Variants in CREB3L2 observed in about 807,000 individuals in gnomAD.
CREB3L2 encodes cAMP responsive element binding protein 3 like 2, also known as cyclic AMP-responsive element-binding protein 3-like protein 2.
Under a neutral mutation model 57.2 loss-of-function variants are expected in CREB3L2, and 23 were observed. The ratio of observed to expected loss-of-function variants is 0.40; its 90% confidence interval spans 0.29 to 0.57. CREB3L2 has a LOEUF of 0.57. Ranked by LOEUF, CREB3L2 falls within the 20% of genes least tolerant of loss-of-function variation. CREB3L2 has a pLI of 0.42. For missense variants in CREB3L2, 628 were observed against 634.7 expected (o/e 0.99, Z 0.11); for synonymous variants, 268 against 265.1 (o/e 1.01, Z -0.11).
chr7:137,990,373 G>A (rs920349098), intron 1 of CREB3L2, among the ~76,000 whole-genome samples: 1 of 152,116 alleles, frequency 6.6e-6, no homozygotes, highest in African/African-American at 2.4e-5. Context: ...CATTCCATCC[G>A]CTTTGCTACA....
Position 137,879,158 on chromosome 7 carries a change from C to A in CREB3L2, c.*1318G>T. 1 of 509,994 alleles carries A rather than the reference C, an allele frequency of 2.0e-6. No individual in the cohort carries two copies. Among genetic ancestry groups the A allele is most frequent in the Non-Finnish European group, 3.7e-6 (1 of 269,408 alleles). 31.6% of individuals were successfully genotyped at this position (509,994 alleles called of 1,614,324 possible). The stretch of plus-strand genomic sequence containing the variant: ...AGATTTTTTTAAACTACAAAAGTTA[C>A]TTTTAACCATAAAAAAAAAACAAAA... On this transcript the variant is annotated 3_prime_UTR_variant, in exon 12 of 12. Coordinates refer to ENST00000330387, the MANE Select transcript of CREB3L2 (RefSeq NM_194071.4).
At chr7:137,974,161 T>G (rs1374324125) in intron 1 of CREB3L2, among the ~76,000 whole-genome samples, 2 of 152,134 alleles carry the variant, frequency 1.3e-5, no homozygotes, top group Non-Finnish European at 2.9e-5. Flanking sequence ...GAGAGCTGGG[T>G]ACTGAGGTAC....
chr7:137,919,159 T>C lies in CREB3L2; in HGVS notation c.320-3147A>G, dbSNP rs553218968. 5.9e-5 allele frequency among the ~76,000 whole-genome samples: 9 copies of C among 152,094 alleles called. No homozygotes were observed. In the East Asian group the frequency reaches 1.4e-3, roughly 23 times the overall value. On this transcript the variant is annotated intron_variant, in intron 2 of 11. Transcript: ENST00000330387. ...AGAGTTATAAAGAGATTTAAGGCCA[T>C]TGAGCTCAAAGATATCTTTTTTTTT...
At chr7:137,932,820 A>T (rs1800681972) in intron 1 of CREB3L2, among the ~76,000 whole-genome samples, 1 of 152,246 alleles carries the variant, frequency 6.6e-6, no homozygotes, top group African/African-American at 2.4e-5. Context: ...ACAAAATAAT[A>T]AATAAGAAAC....
chr7:137,956,615 C>A, intron 1 of CREB3L2: 1 of 1,289,066 alleles, frequency 7.8e-7, no homozygotes, highest in Non-Finnish European at 1.0e-6. Flanking sequence ...GACAGCCATG[C>A]CGAATATTTC....
chr7:137,935,943 G>A (rs1251290823), intron 1 of CREB3L2: 2 of 973,698 alleles, frequency 2.1e-6, no homozygotes, highest in African/African-American at 1.8e-5. Context: ...CAAGGAAGGA[G>A]TGGTTTATGA....
chr7:137,895,219 C>G (rs1799603971), intron 8 of CREB3L2, among the ~76,000 whole-genome samples: 1 of 152,224 alleles, frequency 6.6e-6, no homozygotes, highest in African/African-American at 2.4e-5. Context: ...CAAGATTTCT[C>G]AGGGATGAGA....
chr7:137,934,164 C>A (rs1334265104), intron 1 of CREB3L2, among the ~76,000 whole-genome samples: 2 of 152,216 alleles, frequency 1.3e-5, no homozygotes, highest in Non-Finnish European at 2.9e-5. Flanking sequence ...TCACGACAAT[C>A]CTGTAAATTG....
chr7:137,902,482 A>G (rs765457786), intron 7 of CREB3L2, among the ~76,000 whole-genome samples: 6 of 152,164 alleles, frequency 3.9e-5, no homozygotes, highest in Admixed American at 6.5e-5. Flanking sequence ...CATGCCCAAA[A>G]GAGACAGTAA....
At position 137,928,247 on chromosome 7, in the gene CREB3L2, C is replaced by A. The variant is rs143562600; in HGVS notation, c.222G>T (p.Ala74=). ...MEVEPSPTSP[A]PLIQAEHSYS... is the part of the protein sequence containing the mutation. The stretch of plus-strand genomic sequence containing the variant: ...AGCTGTGCTCAGCCTGGATGAGAGG[C>A]GCCGGGGACGTCGGGGAAGGTTCCA... The change falls in exon 2 of 12, where the codon GCG becomes GCT. Residue 74 remains alanine, a synonymous_variant. Transcript: ENST00000330387. The A allele has an allele frequency of 2.5e-6, 4 of 1,613,040 alleles. 1 individual carries two copies. Among genetic ancestry groups the A allele is most frequent in the Non-Finnish European group, 3.4e-6 (4 of 1,179,536 alleles).
chr7:137,943,805 A>G (rs1800917376), intron 1 of CREB3L2, among the ~76,000 whole-genome samples: 1 of 152,226 alleles, frequency 6.6e-6, no homozygotes. Flanking sequence ...CTGGGCACTC[A>G]GTGCTGGTAA....
chr7:137,970,518 C>A (rs1233115390), intron 1 of CREB3L2, among the ~76,000 whole-genome samples: 1 of 139,686 alleles, frequency 7.2e-6, no homozygotes, highest in Non-Finnish European at 1.5e-5. Flanking sequence ...CAGGGTGAAT[C>A]ACTTGCAATG....
rs1799699105 is a variant in CREB3L2 at position 137,899,164 on chromosome 7, G to GGAAGGAAGGAAGGAAGGAAA, written c.1043+2189_1043+2190insTTTCCTTCCTTCCTTCCTTC. Among the ~76,000 whole-genome samples the GGAAGGAAGGAAGGAAGGAAA allele has an allele frequency of 3.9e-5, 4 of 102,772 alleles. No homozygotes were observed. The South Asian group carries it at 1.3e-3, about 32-fold the overall frequency. 67.4% of individuals were successfully genotyped at this position (102,772 alleles called of 152,430 possible). ...AGGAAGGAAGGAAGGAAGGAAGGAAGGAAGGAACACGCAGCACAGTCCACC... is the reference window on the plus strand; with the variant it reads ...AGGAAGGAAGGAAGGAAGGAAGGAAGGAAGGAAGGAAGGAAGGAAAGAAGGAACACGCAGCACAGTCCACC... On this transcript the variant is annotated intron_variant, in intron 8 of 11. Transcript: ENST00000330387.
intron 1 of CREB3L2, among the ~76,000 whole-genome samples, chr7:137,984,541 C>A (rs1801763132): frequency 6.6e-6 from 1 of 152,242 alleles, no homozygotes; most frequent in African/African-American, 2.4e-5. Flanking sequence ...CTACACTAGC[C>A]CTGGAGGGCC....
chr7:137,987,949 C>A (rs904797066), intron 1 of CREB3L2, among the ~76,000 whole-genome samples: 4 of 152,206 alleles, frequency 2.6e-5, no homozygotes, highest in African/African-American at 9.6e-5. Context: ...CCCAGTCAGG[C>A]CTCAGAAACC....
In CREB3L2 at chr7:137,884,987, T is replaced by C; in HGVS notation, c.1270+8A>G. 1 of 1,614,200 alleles carries C rather than the reference T, an allele frequency of 6.2e-7. No individual in the cohort carries two copies. The highest frequency in any genetic ancestry group is 8.5e-7 in the Non-Finnish European group (1 of 1,180,032). ...AGACCCTGCCCAACTTGCCACATGC[T>C]GTCTTACCCACGGAGGCTGTGTAGG... On this transcript the variant is annotated splice_region_variant and intron_variant, in intron 10 of 11. Transcript: ENST00000330387.
At chr7:137,999,566 G>GTAGAAA (rs1390574319) in intron 1 of CREB3L2, 2 of 152,118 alleles carry the variant, frequency 1.3e-5, no homozygotes, top group Non-Finnish European at 2.9e-5. Flanking sequence ...TCTACATAAA[G>GTAGAAA]ATTCAGCTAG....
chr7:137,943,712 A>C (rs1563261403), intron 1 of CREB3L2, among the ~76,000 whole-genome samples: 1 of 152,218 alleles, frequency 6.6e-6, no homozygotes, highest in Non-Finnish European at 1.5e-5. Context: ...TGAAGTGGTT[A>C]GAGATGTTCA....
intron 2 of CREB3L2, among the ~76,000 whole-genome samples, chr7:137,920,581 G>A (rs1051174088): frequency 2.0e-5 from 3 of 152,158 alleles, no homozygotes; most frequent in Non-Finnish European, 2.9e-5. Flanking sequence ...ATACAATATA[G>A]CCGAATGTAT....
Sources: allele counts gnomAD v4.1 joint callset (sites outside exome capture counted in the v4.1 genomes callset), GRCh38; gene constraint gnomAD v4.1.1; transcripts MANE v1.5; gene names NCBI Gene and HGNC (gene_info 2026-07-23, HGNC 2026-07-21).